Variants in ARHGAP8 observed in about 807,000 individuals in gnomAD.
ARHGAP8 encodes the protein rho GTPase-activating protein 8.
Under a neutral mutation model 46.1 loss-of-function variants are expected in ARHGAP8, and 62 were observed. The ratio of observed to expected loss-of-function variants is 1.34; its 90% CI spans 1.10 to 1.66. The LOEUF (loss-of-function observed/expected upper bound fraction) is 1.66, where lower values mean the gene tolerates loss of function less well. Among genes scored for constraint, ARHGAP8 ranks in the 40% most tolerant of loss-of-function variants. ARHGAP8 has a pLI of 0.00. For synonymous variants in ARHGAP8, 375 were observed against 243.1 expected (o/e 1.54, Z -5.05); for missense variants, 923 against 568.4 (o/e 1.62, Z -6.34).
intron 3 of ARHGAP8, among the ~76,000 whole-genome samples, chr22:44,807,629 C>T (rs1929025476): frequency 6.6e-6 from 1 of 152,164 alleles, no homozygotes; most frequent in African/African-American, 2.4e-5. Context: ...TGTGAGTTTC[C>T]CGGGGCTGCC....
At chr22:44,814,546 A>G (rs1467040785) in intron 4 of ARHGAP8, 126 bp from the exon 5 acceptor site, 3 of 783,280 alleles carry the variant, frequency 3.8e-6, no homozygotes, top group Non-Finnish European at 6.1e-6. Flanking sequence ...GATGTCCTTA[A>G]ATTGATCCTG....
intron 11 of ARHGAP8, among the ~76,000 whole-genome samples, chr22:44,861,058 C>T (rs976488918): frequency 1.3e-5 from 2 of 152,192 alleles, no homozygotes; most frequent in African/African-American, 2.4e-5. Context: ...AGCTGGTGTG[C>T]ACTGGTGCAA....
chr22:44,758,015 G>C (rs1289333320), intron 1 of ARHGAP8, among the ~76,000 whole-genome samples: 2 of 152,138 alleles, frequency 1.3e-5, no homozygotes, highest in Non-Finnish European at 2.9e-5. Flanking sequence ...GGGGATCCCT[G>C]GATGGGGTCA....
intron 1 of ARHGAP8, among the ~76,000 whole-genome samples, chr22:44,755,931 T>C (rs1188545162): frequency 6.6e-6 from 1 of 152,132 alleles, no homozygotes; most frequent in Non-Finnish European, 1.5e-5. Flanking sequence ...GGCCATGTCA[T>C]TACCGACTCA....
chr22:44,782,632 G>A (rs961231136), intron 1 of ARHGAP8, among the ~76,000 whole-genome samples: 1 of 152,132 alleles, frequency 6.6e-6, no homozygotes, highest in Admixed American at 6.5e-5. Context: ...ACTGAATAGA[G>A]CGGTTTCAAG....
chr22:44,774,865 C>G (rs1926308309), intron 1 of ARHGAP8, among the ~76,000 whole-genome samples: 1 of 151,522 alleles, frequency 6.6e-6, no homozygotes, highest in Admixed American at 6.6e-5. Flanking sequence ...GAGTCTCACT[C>G]TGTCACCCGG....
chr22:44,861,908 C>G (rs73176196), intron 11 of ARHGAP8, among the ~76,000 whole-genome samples: 1 of 152,130 alleles, frequency 6.6e-6, no homozygotes, highest in African/African-American at 2.4e-5. Context: ...ATGCCCAGTT[C>G]GCCACTCACA....
chr22:44,795,473 C>G (rs1928014598), intron 2 of ARHGAP8, among the ~76,000 whole-genome samples: 1 of 152,100 alleles, frequency 6.6e-6, no homozygotes, highest in Admixed American at 6.5e-5. Context: ...ACCCCACACC[C>G]CCCTCTACCC....
chr22:44,787,051 A>AAAC (rs1491328232), intron 2 of ARHGAP8, among the ~76,000 whole-genome samples: 4 of 147,796 alleles, frequency 2.7e-5, no homozygotes, highest in Non-Finnish European at 6.0e-5. Context: ...AAAAAAAAAA[A>AAAC]GAAAGAAGTA....
chr22:44,767,982 G>GTTTTTT (rs1569134963), intron 1 of ARHGAP8, among the ~76,000 whole-genome samples: 13 of 69,784 alleles, frequency 1.9e-4, no homozygotes, highest in Admixed American at 6.0e-4. Context: ...CCCGCATGAT[G>GTTTTTT]TCTTTTTTTT....
chr22:44,841,313 A>G (rs372832484), intron 7 of ARHGAP8, among the ~76,000 whole-genome samples: 1 of 152,144 alleles, frequency 6.6e-6, no homozygotes, highest in Non-Finnish European at 1.5e-5. Context: ...CATAGACTGC[A>G]TGTTTTCTGC....
rs5845671 is a variant in ARHGAP8, at chr22:44,802,985, C to CCTG, written c.167+844_167+846dup. The stretch of plus-strand genomic sequence containing the variant: ...TCAAACCCAGGACAGAAGACAAGGG[C>CCTG]CTGCTGCTGCTGCTGCTGCTGCTGC... On this transcript the variant is annotated intron_variant, in intron 3 of 11. Coordinates refer to ENST00000356099, the MANE Select transcript of ARHGAP8 (RefSeq NM_181335.3). 5.4e-4 allele frequency among the ~76,000 whole-genome samples: 81 copies of CCTG among 151,376 alleles called. 1 individual carries two copies. Among genetic ancestry groups the CCTG allele is most frequent in the African/African-American group, 1.4e-3 (56 of 41,246 alleles).
At chr22:44,802,199 C>G (rs1188688982) in intron 3 of ARHGAP8, 35 bp downstream of exon 3, 1 of 1,611,546 alleles carries the variant, frequency 6.2e-7, no homozygotes, top group African/African-American at 1.3e-5. Flanking sequence ...CTGTCCCTGT[C>G]TCTCCATGTT....
At chr22:44,840,466 T>C (rs1416260906) in intron 7 of ARHGAP8, among the ~76,000 whole-genome samples, 1 of 150,408 alleles carries the variant, frequency 6.6e-6, no homozygotes. Context: ...CTAGATCCTC[T>C]GCAAGGGTCT....
At chr22:44,807,038 C>A (rs576251359) in intron 3 of ARHGAP8, among the ~76,000 whole-genome samples, 1 of 152,120 alleles carries the variant, frequency 6.6e-6, no homozygotes, top group Non-Finnish European at 1.5e-5. Flanking sequence ...AGTGCGGGAC[C>A]AGCCGAGCCT....
intron 2 of ARHGAP8, among the ~76,000 whole-genome samples, chr22:44,795,571 C>T (rs1049426768): frequency 2.6e-5 from 4 of 152,142 alleles, no homozygotes; most frequent in African/African-American, 4.8e-5. Context: ...GGCACTGGTG[C>T]GCTGGCAGGC....
chr22:44,859,509 CTCTTT>C (rs1320388619), intron 10 of ARHGAP8, among the ~76,000 whole-genome samples: 6 of 152,208 alleles, frequency 3.9e-5, no homozygotes, highest in Non-Finnish European at 5.9e-5. Context: ...CCAGTTAAAC[CTCTTT>C]TCTTATAAAT....
At chr22:44,856,095 G>A (rs1414087796) in intron 10 of ARHGAP8, among the ~76,000 whole-genome samples, 2 of 151,936 alleles carry the variant, frequency 1.3e-5, no homozygotes, top group Non-Finnish European at 1.5e-5. Flanking sequence ...AAGAGATGGT[G>A]CTAACCATTT....
intron 7 of ARHGAP8, among the ~76,000 whole-genome samples, chr22:44,832,309 C>T (rs1354250508): frequency 6.6e-6 from 1 of 150,476 alleles, no homozygotes; most frequent in Admixed American, 6.7e-5. Context: ...GCACTACAAC[C>T]TCTGCCTCCT....
Sources: gnomAD v4.1 joint callset for allele counts (sites outside exome capture counted in the v4.1 genomes callset) on GRCh38, gnomAD v4.1.1 for gene constraint, MANE v1.5 for transcripts, NCBI Gene and HGNC (gene_info 2026-07-23, HGNC 2026-07-21) for gene names.